Variants in CCNT2 observed in about 807,000 individuals in gnomAD.
CCNT2 encodes cyclin-T2.
A neutral mutation model predicts 70.0 loss-of-function variants in CCNT2; 18 were observed. That is an observed-to-expected ratio of 0.26 (90% CI 0.18 to 0.38). CCNT2 has a LOEUF of 0.38. Ranked by LOEUF, CCNT2 falls within the 10% of genes least tolerant of loss-of-function variation. The pLI is 1.00. For synonymous variants in CCNT2, 334 were observed against 313.3 expected, an observed-to-expected ratio of 1.07 and a Z score of -0.70; for missense variants, 734 against 890.2, an observed-to-expected ratio of 0.82 and a Z score of 2.23.
chr2:134,937,914 CA>C (rs1156849096), intron 3 of CCNT2, among the ~76,000 whole-genome samples: 6 of 150,154 alleles, frequency 4.0e-5, no homozygotes, highest in African/African-American at 9.8e-5. Flanking sequence ...AACACCGTCT[CA>C]AAAAAAAAAT....
At chr2:134,925,699 A>T (rs1321313271) in intron 2 of CCNT2, among the ~76,000 whole-genome samples, 1 of 152,118 alleles carries the variant, frequency 6.6e-6, no homozygotes, top group Non-Finnish European at 1.5e-5. Context: ...ATTGTTAGCC[A>T]CTTTTTGGCT....
Position 134,953,902 on chromosome 2 carries a change from A to G in CCNT2, c.1447A>G (p.Lys483Glu). 6.2e-7 allele frequency: 1 copy of G among 1,613,964 alleles called. No individual in the cohort carries two copies. Among genetic ancestry groups the G allele is most frequent in the Middle Eastern group, 1.6e-4 (1 of 6,062 alleles). Reference sequence around the variant, plus strand: ...CAGCAGTTCTGTTACTTCTCCCATTAAAATGAAAATACCTATCGCAAATAC... The same window carrying G: ...CAGCAGTTCTGTTACTTCTCCCATTGAAATGAAAATACCTATCGCAAATAC... ...ASSSSVTSPI[K>E]MKIPIANTEK... Residue 483 changes from lysine to glutamate, a missense_variant, in exon 9 of 9, where the codon AAA (lysine) becomes GAA (glutamate). Around this residue, in one of 3 missense-constraint regions of CCNT2, gnomAD observed 532 missense variants for 556.9 expected, o/e 0.96. Coordinates refer to ENST00000264157, the MANE Select transcript of CCNT2 (RefSeq NM_058241.3).
intron 4 of CCNT2, 102 bp from the exon 5 acceptor site, chr2:134,942,510 G>T (rs1681650517): frequency 3.3e-6 from 2 of 607,918 alleles, no homozygotes; most frequent in Non-Finnish European, 5.3e-6. Context: ...TTATAACTTT[G>T]GATTTTTCTT....
chr2:134,948,573 G>A (rs1488145223), intron 7 of CCNT2, among the ~76,000 whole-genome samples: 1 of 152,076 alleles, frequency 6.6e-6, no homozygotes, highest in African/African-American at 2.4e-5. Flanking sequence ...TGTGTGTTCT[G>A]TTAATTAGGA....
intron 7 of CCNT2, among the ~76,000 whole-genome samples, chr2:134,950,027 C>T (rs1415802370): frequency 1.3e-5 from 2 of 152,166 alleles, no homozygotes; most frequent in African/African-American, 4.8e-5. Flanking sequence ...AACTCCTGAC[C>T]TCATGATCCA....
Position 134,954,068 on chromosome 2 carries a change from C to A in CCNT2, c.1613C>A (p.Ser538Tyr). 6.2e-7 allele frequency: 1 copy of A among 1,614,082 alleles called. No individual in the cohort carries two copies. Among genetic ancestry groups the A allele is most frequent in the South Asian group, 1.1e-5 (1 of 91,082 alleles). Residue 538 changes from serine (S) to tyrosine (Y), a missense_variant, in exon 9 of 9, where the codon TCT becomes TAT. This residue lies in a region of CCNT2 where 532 missense variants were observed against 556.9 expected (regional missense o/e 0.96). Coordinates refer to ENST00000264157, the MANE Select transcript of CCNT2 (RefSeq NM_058241.3). ...TCTTCTTCAGAAAGACACAGCTCTT[C>A]TGATGAAGGCAGTGGGAAGAGCAAA... ...KVSSSERHSSSDEGSGKSKHS... is the reference protein window; with the variant it reads ...KVSSSERHSSYDEGSGKSKHS...
chr2:134,929,347 G>A (rs1462907488), intron 2 of CCNT2, among the ~76,000 whole-genome samples: 3 of 152,062 alleles, frequency 2.0e-5, no homozygotes, highest in African/African-American at 7.2e-5. Context: ...GCTCACACCT[G>A]TAATCCCAGC....
At chr2:134,919,666 C>G (rs1048175661) in intron 1 of CCNT2, 144 bp from the exon 2 acceptor site, 3 of 603,250 alleles carry the variant, frequency 5.0e-6, no homozygotes, top group Non-Finnish European at 8.7e-6. Context: ...CCCCACCCCC[C>G]GCGGGCATTT....
At chr2:134,924,695 C>G (rs968696015) in intron 2 of CCNT2, among the ~76,000 whole-genome samples, 1 of 152,154 alleles carries the variant, frequency 6.6e-6, no homozygotes, top group East Asian at 1.9e-4. Flanking sequence ...TGATTCCCCC[C>G]ACCTCGACCT....
At chr2:134,935,776 A>C (rs1681102709) in intron 2 of CCNT2, among the ~76,000 whole-genome samples, 1 of 151,784 alleles carries the variant, frequency 6.6e-6, no homozygotes, top group African/African-American at 2.4e-5. Flanking sequence ...GTGTTCTTAT[A>C]TTTCTGTCCC....
intron 2 of CCNT2, among the ~76,000 whole-genome samples, chr2:134,930,671 C>T (rs1348682423): frequency 1.3e-5 from 2 of 152,002 alleles, no homozygotes; most frequent in Non-Finnish European, 2.9e-5. Context: ...GCAATATCAT[C>T]ACTTTTCTCG....
intron 4 of CCNT2, among the ~76,000 whole-genome samples, 186 bp from the exon 5 acceptor site, chr2:134,942,426 A>G (rs1009994812): frequency 1.3e-5 from 2 of 152,170 alleles, no homozygotes; most frequent in African/African-American, 2.4e-5. Flanking sequence ...CTTTATTTTC[A>G]TAATTGAGAC....
chr2:134,928,182 G>A (rs1285902551), intron 2 of CCNT2, among the ~76,000 whole-genome samples: 1 of 151,184 alleles, frequency 6.6e-6, no homozygotes, highest in Non-Finnish European at 1.5e-5. Flanking sequence ...GGCTAGTCTC[G>A]AACTCCTGAC....
At chr2:134,942,033 G>A (rs1684628612) in intron 4 of CCNT2, among the ~76,000 whole-genome samples, 1 of 152,040 alleles carries the variant, frequency 6.6e-6, no homozygotes, top group Non-Finnish European at 1.5e-5. Context: ...CACGTTGATA[G>A]CTTTTAAACA....
In CCNT2 at chr2:134,953,386, G is replaced by T; in HGVS notation, c.931G>T (p.Ala311Ser). 1 of 1,601,576 alleles carries T rather than the reference G, an allele frequency of 6.2e-7. No homozygotes were observed. The highest frequency in any genetic ancestry group is 8.5e-7 in the Non-Finnish European group (1 of 1,173,426). Residue 311 changes from alanine to serine, a missense_variant, in exon 9 of 9, where the codon GCG becomes TCG. Physicochemically the swap from Ala to Ser is moderately conservative, Grantham distance 99. Transcript: ENST00000264157. ...FQKPSTSAFP[A>S]PVPLNSGNIS... ...GAAACCATCTACATCAGCATTCCCT[G>T]CGCCAGTACCTCTAAATTCAGGAAA...
Position 134,959,334 on chromosome 2 carries a change from C to T in CCNT2, c.*4686C>T, listed in dbSNP as rs1683084275. ...AAGGAACTAATAAAATGTTTATTGACAACATAAATCCAAGGCTCTAACATG... is the reference window on the plus strand; with the variant it reads ...AAGGAACTAATAAAATGTTTATTGATAACATAAATCCAAGGCTCTAACATG... On this transcript the variant is annotated 3_prime_UTR_variant, in exon 9 of 9. Transcript: ENST00000264157. The T allele has an allele frequency of 6.6e-6, 1 of 152,110 alleles. No individual in the cohort carries two copies. The allele number at this position is 152,110 out of a possible 1,614,324, so 9.4% of individuals were successfully genotyped here.
rs953158470 is a variant in CCNT2, at chr2:134,957,808, A to C, written c.*3160A>C. 1 of 152,206 alleles carries C rather than the reference A, an allele frequency of 6.6e-6. No homozygotes were observed. The highest frequency in any genetic ancestry group is 2.4e-5 in the African/African-American group (1 of 41,460). 9.4% of individuals were successfully genotyped at this position (152,206 alleles called of 1,614,324 possible). Reference sequence around the variant, plus strand: ...CTGGTTAAAGTTCTTATTCAGAGTCATCTAAAAGAAATTTCTAACATGATG... The same window carrying C: ...CTGGTTAAAGTTCTTATTCAGAGTCCTCTAAAAGAAATTTCTAACATGATG... On this transcript the variant is annotated 3_prime_UTR_variant, in exon 9 of 9. Transcript: ENST00000264157.
Position 134,953,714 on chromosome 2 carries a change from A to G in CCNT2, c.1259A>G (p.His420Arg). 6.2e-7 allele frequency: 1 copy of G among 1,614,000 alleles called. No individual in the cohort carries two copies. The highest frequency in any genetic ancestry group is 8.5e-7 in the Non-Finnish European group (1 of 1,179,886). Residue 420 changes from histidine (H) to arginine (R), a missense_variant, in exon 9 of 9, where the codon CAT (histidine) becomes CGT (arginine). By Grantham distance (29) the His-to-Arg change is conservative. Transcript: ENST00000264157. Reference protein sequence around the residue: ...YTHKAGSSKHHGPISTTPGII... With the variant: ...YTHKAGSSKHRGPISTTPGII... ...CATAAAGCAGGGAGCAGTAAACACC[A>G]TGGGCCAATTTCCACTACTCCAGGA...
chr2:134,953,698 G>C lies in CCNT2; in HGVS notation c.1243G>C (p.Gly415Arg), dbSNP rs1238869339. 6.2e-7 allele frequency: 1 copy of C among 1,613,680 alleles called. No individual in the cohort carries two copies. Among genetic ancestry groups the C allele is most frequent in the Non-Finnish European group, 8.5e-7 (1 of 1,179,758 alleles). ...SVKQEYTHKAGSSKHHGPIST... is the reference protein window; with the variant it reads ...SVKQEYTHKARSSKHHGPIST... ...TAAGCAAGAATATACTCATAAAGCA[G>C]GGAGCAGTAAACACCATGGGCCAAT... Residue 415 changes from glycine to arginine, a missense_variant, in exon 9 of 9, where the codon GGG becomes CGG. Physicochemically the swap from Gly to Arg is moderately radical, Grantham distance 125. Transcript: ENST00000264157.
Sources: allele counts gnomAD v4.1 joint callset (sites outside exome capture counted in the v4.1 genomes callset), GRCh38; gene constraint gnomAD v4.1.1; regional missense constraint gnomAD v4.1.1; transcripts MANE v1.5; gene names NCBI Gene and HGNC (gene_info 2026-07-23, HGNC 2026-07-21).